SLIT3: variants seen among roughly 807,000 people sequenced by gnomAD.
SLIT3 encodes slit guidance ligand 3.
Under a neutral mutation model 184.0 loss-of-function variants are expected in SLIT3, and 68 were observed. The observed-to-expected ratio is 0.37, with a 90% CI of 0.30 to 0.45. The LOEUF is 0.45. Among genes scored for constraint, SLIT3 ranks in the 20% least tolerant of loss-of-function variants. The probability of loss-of-function intolerance (pLI) is 1.00; values close to 1 mark genes in which losing one functional copy is unlikely to be tolerated. For missense variants in SLIT3, 1,707 were observed against 2,026.0 expected (o/e 0.84, Z 3.02); for synonymous variants, 831 against 828.6 (o/e 1.00, Z -0.05).
intron 11 of SLIT3, among the ~76,000 whole-genome samples, chr5:168,789,285 G>T (rs1395053919): frequency 6.6e-6 from 1 of 151,772 alleles, no homozygotes; most frequent in South Asian, 2.1e-4. Context: ...GGAGGGGGAC[G>T]TGAGGTTGGA....
intron 4 of SLIT3, among the ~76,000 whole-genome samples, chr5:169,160,129 T>C (rs1762432290): frequency 6.6e-6 from 1 of 152,240 alleles, no homozygotes; most frequent in Non-Finnish European, 1.5e-5. Context: ...TATGTTCCTT[T>C]AGTTGAACTT....
chr5:169,090,232 G>T lies in SLIT3; in HGVS notation c.413+103247C>A, dbSNP rs527620937. Among the ~76,000 whole-genome samples the T allele has an allele frequency of 1.1e-3, 174 of 152,278 alleles. 2 individuals carry two copies. Among genetic ancestry groups the T allele is most frequent in the South Asian group, 0.011 (52 of 4,816 alleles). ...AGGCTGTCAAACCAAAGAAGAGGGT[G>T]AAGGGGAGGAGGGAGGAAAAGAGAG... On this transcript the variant is annotated intron_variant, in intron 4 of 35. Transcript: ENST00000519560.
intron 4 of SLIT3, among the ~76,000 whole-genome samples, chr5:169,105,802 G>T (rs180947333): frequency 1.1e-3 from 164 of 152,220 alleles, no homozygotes; most frequent in African/African-American, 3.1e-3. Flanking sequence ...ATTTTTTATG[G>T]CTGCATAGTA....
intron 4 of SLIT3, among the ~76,000 whole-genome samples, chr5:168,969,192 G>A (rs1041943227): frequency 5.9e-5 from 9 of 152,138 alleles, no homozygotes; most frequent in African/African-American, 2.2e-4. Context: ...TTTGTGTTTG[G>A]TTTATCTTAC....
At chr5:169,037,206 T>C (rs143073666) in intron 4 of SLIT3, among the ~76,000 whole-genome samples, 9 of 152,364 alleles carry the variant, frequency 5.9e-5, no homozygotes, top group Non-Finnish European at 1.2e-4. Context: ...ACAAGAGCAT[T>C]AGTAGTCACT....
chr5:169,213,811 TA>T (rs1461184044), intron 3 of SLIT3, among the ~76,000 whole-genome samples: 1 of 152,216 alleles, frequency 6.6e-6, no homozygotes, highest in African/African-American at 2.4e-5. Context: ...CATGACACAA[TA>T]AATATTTGTT....
chr5:169,123,861 C>A (rs1005717371), intron 4 of SLIT3, among the ~76,000 whole-genome samples: 2 of 152,104 alleles, frequency 1.3e-5, no homozygotes, highest in African/African-American at 4.8e-5. Context: ...TGCTGATGTT[C>A]TAGGGGGCCA....
At chr5:168,817,595 C>G (rs910386368) in intron 7 of SLIT3, 132 bp from the exon 8 acceptor site, 33 of 798,032 alleles carry the variant, frequency 4.1e-5, no homozygotes, top group Non-Finnish European at 5.8e-5. Context: ...CCCAGGGAAG[C>G]AATTCCCTCT....
chr5:168,902,215 A>G (rs1760895879), intron 4 of SLIT3, among the ~76,000 whole-genome samples: 1 of 152,168 alleles, frequency 6.6e-6, no homozygotes, highest in African/African-American at 2.4e-5. Context: ...TTCTAGATCC[A>G]TGTACCTGTC....
chr5:168,702,010 C>G (rs1248675326), intron 26 of SLIT3, among the ~76,000 whole-genome samples: 1 of 152,238 alleles, frequency 6.6e-6, no homozygotes, highest in South Asian at 2.1e-4. Flanking sequence ...TCTTCAGCAG[C>G]TGGAAGGCAT....
At chr5:168,909,250 C>A (rs1761177716) in intron 4 of SLIT3, among the ~76,000 whole-genome samples, 2 of 152,168 alleles carry the variant, frequency 1.3e-5, no homozygotes, top group Admixed American at 6.5e-5. Flanking sequence ...TTGCTTACAG[C>A]ATGTGTTGGA....
At chr5:168,686,049 C>T in intron 30 of SLIT3, 122 bp from the exon 31 acceptor site, 1 of 1,153,088 alleles carries the variant, frequency 8.7e-7, no homozygotes, top group Admixed American at 3.0e-5. Context: ...GACACTAGTT[C>T]TAGGGGCTAG....
intron 23 of SLIT3, among the ~76,000 whole-genome samples, chr5:168,713,293 A>AG (rs1762617756): frequency 6.6e-6 from 1 of 152,210 alleles, no homozygotes; most frequent in African/African-American, 2.4e-5. Flanking sequence ...GTAGGCAGCT[A>AG]GGAGCTATTC....
At chr5:169,255,859 G>T (rs933903068) in intron 1 of SLIT3, among the ~76,000 whole-genome samples, 1 of 152,126 alleles carries the variant, frequency 6.6e-6, no homozygotes, top group African/African-American at 2.4e-5. Context: ...CTCCAGCCTG[G>T]GCGACAGAGC....
chr5:168,917,646 A>G (rs1761488192), intron 4 of SLIT3, among the ~76,000 whole-genome samples: 3 of 152,162 alleles, frequency 2.0e-5, no homozygotes, highest in South Asian at 2.1e-4. Flanking sequence ...GTCTGTTGTA[A>G]TGTTTCCTAT....
intron 4 of SLIT3, among the ~76,000 whole-genome samples, chr5:168,952,550 A>AAAAAAAAAAAAAAAG (rs59047961): frequency 1.6e-5 from 2 of 128,004 alleles, no homozygotes; most frequent in African/African-American, 7.0e-5. Flanking sequence ...AAAAAAAAAG[A>AAAAAAAAAAAAAAAG]GGGGAGAAGG....
At chr5:168,797,985 C>T (rs1032253767) in intron 9 of SLIT3, among the ~76,000 whole-genome samples, 3 of 152,000 alleles carry the variant, frequency 2.0e-5, no homozygotes, top group Non-Finnish European at 4.4e-5. Flanking sequence ...CACACAGAGA[C>T]GTCATGCAGT....
At chr5:169,277,030 A>C (rs1361132713) in intron 1 of SLIT3, among the ~76,000 whole-genome samples, 1 of 152,156 alleles carries the variant, frequency 6.6e-6, no homozygotes, top group East Asian at 1.9e-4. Context: ...TCATTGCCCC[A>C]AACAGGAACC....
chr5:168,783,851 G>GT (rs1410705441), intron 12 of SLIT3, among the ~76,000 whole-genome samples: 2 of 152,114 alleles, frequency 1.3e-5, no homozygotes, highest in African/African-American at 2.4e-5. Flanking sequence ...GTCAACTCTT[G>GT]GTCTCAAGAG....
Sources: gnomAD v4.1 joint callset for allele counts (sites outside exome capture counted in the v4.1 genomes callset) on GRCh38, gnomAD v4.1.1 for gene constraint, MANE v1.5 for transcripts, NCBI Gene and HGNC (gene_info 2026-07-23, HGNC 2026-07-21) for gene names.